Variants in HDAC6 observed in about 807,000 individuals in gnomAD.
HDAC6 encodes the protein protein deacetylase HDAC6.
In HDAC6, 5 loss-of-function variants were observed where a neutral mutation model predicts 88.9. The observed-to-expected ratio is 0.06, with a 90% CI of 0.03 to 0.12. HDAC6 has a LOEUF of 0.12. Ranked by LOEUF, HDAC6 falls within the 10% of genes least tolerant of loss-of-function variation. The probability of loss-of-function intolerance (pLI) is 1.00; values close to 1 mark genes in which losing one functional copy is unlikely to be tolerated. For missense variants in HDAC6, 706 were observed against 1,014.4 expected, an observed-to-expected ratio of 0.70 and a Z score of 4.13; for synonymous variants, 378 against 398.0, an observed-to-expected ratio of 0.95 and a Z score of 0.60.
chrX:48,801,881 G>A (rs1557022399), upstream of HDAC6: 3 of 971,541 alleles, frequency 3.1e-6, no homozygotes, highest in Non-Finnish European at 2.6e-6. Context: ...CAGGTCGCCA[G>A]AAACTTGGTG....
chrX:48,824,448 A>G, intron 28 of HDAC6, 96 bp from the exon 29 acceptor site: 1 of 1,077,028 alleles, frequency 9.3e-7, no homozygotes, highest in Non-Finnish European at 1.3e-6. Context: ...AGTCCAGAAG[A>G]CAGAGTGGTT....
In HDAC6 at chrX:48,806,589, GCTCCCCACTGTCT is replaced by G; in HGVS notation, c.535-15_535-3del. 8.7e-7 allele frequency: 1 copy of G among 1,154,712 alleles called. No individual in the cohort carries two copies. Among genetic ancestry groups the G allele is most frequent in the Non-Finnish European group, 1.2e-6 (1 of 844,732 alleles). ...TGTTCTCTCCCTTACTCCCTTTCTG[GCTCCCCACTGTCT>G]CTCCAGAACTCATACTCCTGTGCCT... On this transcript the variant is annotated splice_polypyrimidine_tract_variant and splice_region_variant and intron_variant, in intron 7 of 28. Coordinates refer to ENST00000334136, the MANE Select transcript of HDAC6 (RefSeq NM_006044.4).
chrX:48,805,615 C>T lies in HDAC6; in HGVS notation c.397-16C>T, dbSNP rs1557023987. 8.4e-7 allele frequency: 1 copy of T among 1,185,791 alleles called. No individual in the cohort carries two copies. Among genetic ancestry groups the T allele is most frequent in the South Asian group, 1.9e-5 (1 of 53,966 alleles). ...CCTTAACCCTTTACCCCACTTTATT[C>T]CTCATCTCTCCCCAGGCCCGGTTTG... On this transcript the variant is annotated splice_polypyrimidine_tract_variant and intron_variant, in intron 5 of 28. Coordinates refer to ENST00000334136, the MANE Select transcript of HDAC6 (RefSeq NM_006044.4).
chrX:48,804,242 G>A (rs782681765), intron 4 of HDAC6, among the ~76,000 whole-genome samples: 1 of 111,297 alleles, frequency 9.0e-6, no homozygotes, highest in East Asian at 2.8e-4. Context: ...TTTTCATCCT[G>A]GCCTCAAAGG....
intron 27 of HDAC6, 39 bp from the exon 28 acceptor site, chrX:48,824,127 A>T (rs1034617169): frequency 2.5e-6 from 3 of 1,201,784 alleles, no homozygotes; most frequent in African/African-American, 1.8e-5. Context: ...CTGCAGGGGG[A>T]TGCTGACCCC....
chrX:48,816,682 AAG>A (rs781943192), intron 19 of HDAC6, 49 bp downstream of exon 19: 25 of 1,117,546 alleles, frequency 2.2e-5, no homozygotes, highest in Non-Finnish European at 3.0e-5. Context: ...GGAATGGAAA[AAG>A]AGAGCCATCT....
chrX:48,816,326 G>A, intron 18 of HDAC6, 57 bp downstream of exon 18: 1 of 1,166,429 alleles, frequency 8.6e-7, no homozygotes, highest in Non-Finnish European at 1.2e-6. Flanking sequence ...GAGGTCTCAG[G>A]GGCTGGAACT....
intron 19 of HDAC6, 136 bp downstream of exon 19, chrX:48,816,769 T>A (rs1456085655): frequency 1.6e-5 from 3 of 182,750 alleles, no homozygotes; most frequent in African/African-American, 1.6e-4. Context: ...CGGGAGGGGG[T>A]GGGCCTAGAG....
chrX:48,817,243 C>A (rs1253087778), intron 19 of HDAC6, 83 bp from the exon 20 acceptor site: 53 of 1,009,226 alleles, frequency 5.3e-5, no homozygotes, highest in Non-Finnish European at 6.5e-5. Context: ...CAGAGCGAGA[C>A]TCCGTCTCAA....
At chrX:48,801,951 AC>A (rs1557022442), upstream of HDAC6, 2 of 967,877 alleles carry the variant, frequency 2.1e-6, no homozygotes, top group Admixed American at 6.1e-5. Flanking sequence ...AGCGGTGAGT[AC>A]AGCGCGTCGA....
intron 6 of HDAC6, chrX:48,806,159 G>A: frequency 2.5e-6 from 1 of 399,857 alleles, no homozygotes; most frequent in East Asian, 4.2e-5. Context: ...CCTGAAAGTA[G>A]GATTTGGTGT....
intron 22 of HDAC6, among the ~76,000 whole-genome samples, chrX:48,819,043 G>A (rs1174641703): frequency 2.7e-5 from 3 of 112,196 alleles, no homozygotes; most frequent in Non-Finnish European, 1.9e-5. Context: ...CACCCTGGGC[G>A]CCGGTGTGCA....
chrX:48,802,569 A>C, intron 1 of HDAC6, 94 bp from the exon 2 acceptor site: 3 of 1,144,669 alleles, frequency 2.6e-6, no homozygotes, highest in Non-Finnish European at 3.5e-6. Flanking sequence ...ATGGAATCTA[A>C]TAGAGGGGGC....
At chrX:48,816,095 TC>T in intron 17 of HDAC6, 43 bp downstream of exon 17, 1 of 1,206,396 alleles carries the variant, frequency 8.3e-7, no homozygotes, top group South Asian at 1.8e-5. Context: ...TGGGGGTCCC[TC>T]CCCCTCAGGC....
intron 10 of HDAC6, among the ~76,000 whole-genome samples, chrX:48,811,829 T>C (rs1202673751): frequency 1.8e-5 from 2 of 112,243 alleles, no homozygotes; most frequent in Non-Finnish European, 3.8e-5. Flanking sequence ...ACGTTCTTTA[T>C]TTTGTTCATT....
At chrX:48,809,313 A>G (rs1557025300) in intron 10 of HDAC6, among the ~76,000 whole-genome samples, 1 of 111,920 alleles carries the variant, frequency 8.9e-6, no homozygotes, top group Admixed American at 9.5e-5. Flanking sequence ...CCTTGTCAGT[A>G]GGAGACATTA....
intron 20 of HDAC6, 44 bp downstream of exon 20, chrX:48,817,503 G>T (rs2063008656): frequency 1.7e-6 from 2 of 1,144,469 alleles, no homozygotes; most frequent in South Asian, 1.9e-5. Flanking sequence ...TCCTTGTGGG[G>T]ACCTGGATGC....
At chrX:48,818,521 T>C (rs1319915287) in intron 22 of HDAC6, 109 bp downstream of exon 22, 5 of 644,570 alleles carry the variant, frequency 7.8e-6, no homozygotes, top group Middle Eastern at 3.6e-4. Flanking sequence ...GCTGATGATA[T>C]GAGACAGCGC....
chrX:48,803,112 T>C lies in HDAC6; in HGVS notation c.223-16T>C. The C allele has an allele frequency of 1.2e-5, 14 of 1,207,583 alleles. No homozygotes were observed. The highest frequency in any genetic ancestry group is 1.6e-5 in the Non-Finnish European group (14 of 892,805). ...CCTAAAATGGATCTGTGTCTCCTTT[T>C]TTTTTTCCTCTGCAGGATCTGAACC... On this transcript the variant is annotated splice_polypyrimidine_tract_variant and intron_variant, in intron 3 of 28. Coordinates refer to ENST00000334136, the MANE Select transcript of HDAC6 (RefSeq NM_006044.4).
Sources: gnomAD v4.1 joint callset for allele counts (sites outside exome capture counted in the v4.1 genomes callset) on GRCh38, gnomAD v4.1.1 for gene constraint, MANE v1.5 for transcripts, NCBI Gene and HGNC (gene_info 2026-07-23, HGNC 2026-07-21) for gene names.